The following LRPPRC variants were observed in gnomAD, a reference collection of about 807,000 sequenced individuals.
The protein encoded by LRPPRC is leucine rich pentatricopeptide repeat containing.
LRPPRC carries 120 observed loss-of-function variants against 180.3 expected under a neutral mutation model. The ratio of observed to expected loss-of-function variants is 0.67; its 90% CI spans 0.57 to 0.77. The LOEUF (loss-of-function observed/expected upper bound fraction) is 0.77. Among genes scored for constraint, LRPPRC ranks in the 30% least tolerant of loss-of-function variants. LRPPRC has a pLI of 0.00. For synonymous variants in LRPPRC, 723 were observed against 600.0 expected (o/e 1.21, Z -3.00); for missense variants, 2,012 against 1,657.2 (o/e 1.21, Z -3.72).
chr2:43,969,272 C>T (rs1382038034), intron 11 of LRPPRC, among the ~76,000 whole-genome samples: 17 of 151,980 alleles, frequency 1.1e-4, no homozygotes, highest in African/African-American at 3.1e-4. Context: ...ATTAGCCGGG[C>T]GTGGTGGCGG....
intron 31 of LRPPRC, 47 bp from the exon 32 acceptor site, chr2:43,901,571 G>T: frequency 8.2e-7 from 1 of 1,216,792 alleles, no homozygotes; most frequent in South Asian, 1.2e-5. Context: ...GACCTGTGCT[G>T]ACTTTAATGC....
At chr2:43,905,888 A>C in intron 30 of LRPPRC, 108 bp from the exon 31 acceptor site, 1 of 795,756 alleles carries the variant, frequency 1.3e-6, no homozygotes, top group Non-Finnish European at 2.2e-6. Context: ...GTATGTTAAA[A>C]ATATTGCTGC....
Position 43,901,598 on chromosome 2 carries a change from T to G in LRPPRC, c.3365-74A>C. 3 of 908,684 alleles carry G rather than the reference T, an allele frequency of 3.3e-6. No individual in the cohort carries two copies. The South Asian group carries it at 4.0e-5, about 12-fold the overall frequency. 56.3% of individuals were successfully genotyped at this position (908,684 alleles called of 1,614,324 possible). On this transcript the variant is annotated intron_variant, in intron 31 of 37. Coordinates refer to ENST00000260665, the MANE Select transcript of LRPPRC (RefSeq NM_133259.4). ...CTTTAATGCATTTTGAAAACCAGCT[T>G]TTAAATATGAGCACCAAATGGCCAT...
chr2:43,940,623 T>A (rs889462888), intron 23 of LRPPRC, among the ~76,000 whole-genome samples: 1 of 152,140 alleles, frequency 6.6e-6, no homozygotes, highest in South Asian at 2.1e-4. Context: ...TGCACCAACA[T>A]AATCCAGTTA....
chr2:43,996,104 C>T (rs1252992289), upstream of LRPPRC: 13 of 624,910 alleles, frequency 2.1e-5, no homozygotes, highest in Admixed American at 1.2e-4. Context: ...GAAAACCGCA[C>T]TTCTCCGAGG....
At chr2:43,910,929 T>A (rs1451202411) in intron 30 of LRPPRC, among the ~76,000 whole-genome samples, 2 of 152,158 alleles carry the variant, frequency 1.3e-5, no homozygotes. Flanking sequence ...TTTGCTTCTA[T>A]CTCATCACTT....
chr2:43,986,923 G>A (rs1674551275), intron 1 of LRPPRC, among the ~76,000 whole-genome samples: 1 of 152,180 alleles, frequency 6.6e-6, no homozygotes, highest in African/African-American at 2.4e-5. Flanking sequence ...TCATAGAGCC[G>A]CTCTCTCAAC....
intron 25 of LRPPRC, among the ~76,000 whole-genome samples, chr2:43,932,153 A>AAAAAAAAAAC (rs1672114749): frequency 6.9e-6 from 1 of 144,102 alleles, no homozygotes; most frequent in African/African-American, 2.6e-5. Context: ...AAAAAAAAAA[A>AAAAAAAAAAC]GACTGGAGAC....
rs886056049 is a variant in LRPPRC, at chr2:43,887,953, C to T, written c.*647G>A. 1 of 152,974 alleles carries T rather than the reference C, an allele frequency of 6.5e-6. No homozygotes were observed. Among genetic ancestry groups the T allele is most frequent in the Non-Finnish European group, 1.5e-5 (1 of 68,654 alleles). 9.5% of individuals were successfully genotyped at this position (152,974 alleles called of 1,614,324 possible). A position where few individuals can be genotyped will look rare whatever the true frequency, so the allele number is the denominator to read the frequency against. On this transcript the variant is annotated 3_prime_UTR_variant, in exon 38 of 38. Coordinates refer to ENST00000260665, the MANE Select transcript of LRPPRC (RefSeq NM_133259.4). The stretch of plus-strand genomic sequence containing the variant: ...TGACCGAGACTCAATTTCAGAGACG[C>T]TCTATGAACAGAGGTGCTTGAAGCC...
chr2:43,972,893 G>A (rs964026539), intron 11 of LRPPRC, among the ~76,000 whole-genome samples: 1 of 152,042 alleles, frequency 6.6e-6, no homozygotes, highest in Non-Finnish European at 1.5e-5. Context: ...TTTCCCCAAG[G>A]GGAAAGTACT....
chr2:43,906,900 T>C (rs939809581), intron 30 of LRPPRC, among the ~76,000 whole-genome samples: 1 of 152,172 alleles, frequency 6.6e-6, no homozygotes, highest in East Asian at 1.9e-4. Flanking sequence ...AAAGTACCCA[T>C]TGCTCAGTTT....
At chr2:43,972,808 T>C (rs1318226664) in intron 11 of LRPPRC, among the ~76,000 whole-genome samples, 3 of 152,192 alleles carry the variant, frequency 2.0e-5, no homozygotes, top group Non-Finnish European at 4.4e-5. Flanking sequence ...TGTCACCCAA[T>C]GTCACACTAA....
Position 43,985,524 on chromosome 2 carries a change from TG to T in LRPPRC, c.150-3091del, listed in dbSNP as rs1476881116. On this transcript the variant is annotated intron_variant, in intron 1 of 37. Transcript: ENST00000260665. ...CTCCTTCCGAACCCCTGGCAACCAC[TG>T]ATTTTTACCTGTCTCTAGTTTTGCC... Among the ~76,000 whole-genome samples, 2 of 152,206 alleles carry T rather than the reference TG, an allele frequency of 1.3e-5. 1 individual carries two copies. Among genetic ancestry groups the T allele is most frequent in the Non-Finnish European group, 2.9e-5 (2 of 68,036 alleles).
intron 23 of LRPPRC, among the ~76,000 whole-genome samples, chr2:43,935,324 A>G (rs1160568915): frequency 6.6e-6 from 1 of 152,242 alleles, no homozygotes; most frequent in Non-Finnish European, 1.5e-5. Flanking sequence ...AAACGTTATT[A>G]AATGTCCACC....
At position 43,979,967 on chromosome 2, in the gene LRPPRC, T is replaced by C. The variant is rs78083883; in HGVS notation, c.347-19A>G. ...AGGCCACCTGTGGAAAAAAGGTTAA[T>C]GGATAACATTTAACATAGCAGCAAT... On this transcript the variant is annotated intron_variant, in intron 2 of 37. Coordinates refer to ENST00000260665, the MANE Select transcript of LRPPRC (RefSeq NM_133259.4). 4,808 of 1,611,252 alleles carry C rather than the reference T, an allele frequency of 3.0e-3. 103 individuals carry two copies. The African/African-American group carries it at 0.049, about 16-fold the overall frequency.
At position 43,901,378 on chromosome 2, in the gene LRPPRC, A is replaced by G; in HGVS notation, c.3511T>C (p.Ser1171Pro). Residue 1171 changes from serine (S) to proline (P), a missense_variant, in exon 32 of 38, where the codon TCC becomes CCC. Transcript: ENST00000260665. ...VQKMLNGLED[S>P]IGLSKMVFIN... is the part of the protein sequence containing the mutation. ...AAAACCATTTTTGAAAGTCCAATGG[A>G]GTCTTCGAGTCCATTTAACATCTTC... The G allele has an allele frequency of 6.2e-7, 1 of 1,614,026 alleles. No homozygotes were observed. The highest frequency in any genetic ancestry group is 1.1e-5 in the South Asian group (1 of 91,080).
intron 29 of LRPPRC, among the ~76,000 whole-genome samples, chr2:43,916,217 C>T (rs1671461848): frequency 1.3e-5 from 2 of 152,086 alleles, no homozygotes; most frequent in Admixed American, 1.3e-4. Flanking sequence ...TCCTTGAAAT[C>T]CACCCCAAAA....
chr2:43,996,070 C>G (rs114667369), upstream of LRPPRC: 1,321 of 952,588 alleles, frequency 1.4e-3, 15 homozygotes, highest in African/African-American at 0.02. Context: ...GGGGGAGCGA[C>G]GGATTGTTTT....
Position 43,931,912 on chromosome 2 carries a change from T to C in LRPPRC, c.2736+2278A>G, listed in dbSNP as rs1189694801. 4.6e-5 allele frequency among the ~76,000 whole-genome samples: 7 copies of C among 152,064 alleles called. No homozygotes were observed. The East Asian group carries it at 1.2e-3, about 25-fold the overall frequency. ...CTTCCCTCCTTCCTTTCCTTCTCAGTCTTTCTCCCTTCCCTTCATTCTAGT... is the reference window on the plus strand; with the variant it reads ...CTTCCCTCCTTCCTTTCCTTCTCAGCCTTTCTCCCTTCCCTTCATTCTAGT... On this transcript the variant is annotated intron_variant, in intron 25 of 37. Coordinates refer to ENST00000260665, the MANE Select transcript of LRPPRC (RefSeq NM_133259.4).
Sources: gnomAD v4.1 joint callset for allele counts (sites outside exome capture counted in the v4.1 genomes callset) on GRCh38, gnomAD v4.1.1 for gene constraint, MANE v1.5 for transcripts, NCBI Gene and HGNC (gene_info 2026-07-23, HGNC 2026-07-21) for gene names.